POLE2: variants seen among roughly 807,000 people sequenced by gnomAD.
POLE2 encodes DNA polymerase epsilon subunit 2.
Under a neutral mutation model 79.4 loss-of-function variants are expected in POLE2, and 56 were observed. That is an observed-to-expected ratio of 0.71 (90% CI 0.57 to 0.88). The LOEUF is 0.88. Among genes scored for constraint, POLE2 ranks in the 40% least tolerant of loss-of-function variants. The pLI is 0.00. For synonymous variants in POLE2, 212 were observed against 214.0 expected (o/e 0.99, Z 0.08); for missense variants, 598 against 638.9 (o/e 0.94, Z 0.69).
intron 18 of POLE2, among the ~76,000 whole-genome samples, chr14:49,646,302 G>GTTTTTTTTTTTTTTTTTTTTTTTT (rs1162033821): frequency 8.3e-5 from 7 of 84,578 alleles, no homozygotes; most frequent in Non-Finnish European, 1.2e-4. Flanking sequence ...TTTTTTGTTG[G>GTTTTTTTTTTTTTTTTTTTTTTTT]TTTTTTTTTT....
chr14:49,645,404 C>CT (rs1374908222), intron 18 of POLE2, among the ~76,000 whole-genome samples: 1 of 152,228 alleles, frequency 6.6e-6, no homozygotes, highest in Non-Finnish European at 1.5e-5. Context: ...TTAGGAGAAA[C>CT]TAAGTGGCAA....
At chr14:49,652,646 T>A (rs45629032) in intron 15 of POLE2, among the ~76,000 whole-genome samples, 2,508 of 152,238 alleles carry the variant, frequency 0.016, 71 homozygotes, top group African/African-American at 0.057. Flanking sequence ...GCACACTCGT[T>A]ATAAGAATCT....
chr14:49,665,266 G>A (rs1004343191), intron 7 of POLE2, 103 bp from the exon 8 acceptor site: 11 of 636,996 alleles, frequency 1.7e-5, no homozygotes, highest in Non-Finnish European at 2.3e-5. Flanking sequence ...TAGGGAGAAA[G>A]TGGATTTTAA....
At chr14:49,679,895 T>A in intron 2 of POLE2, 95 bp from the exon 3 acceptor site, 1 of 688,364 alleles carries the variant, frequency 1.5e-6, no homozygotes, top group Non-Finnish European at 2.6e-6. Flanking sequence ...TTGCAAATAT[T>A]AATACTGAGA....
intron 1 of POLE2, among the ~76,000 whole-genome samples, chr14:49,686,368 A>T (rs1181622023): frequency 2.0e-5 from 3 of 152,234 alleles, no homozygotes; most frequent in African/African-American, 7.2e-5. Context: ...TTGGGGGCAC[A>T]CATGGCAAGG....
intron 10 of POLE2, among the ~76,000 whole-genome samples, chr14:49,656,656 C>T (rs897396622): frequency 9.2e-5 from 14 of 152,166 alleles, no homozygotes; most frequent in African/African-American, 3.4e-4. Flanking sequence ...AATCTACACA[C>T]TCCCAGCCTC....
chr14:49,648,009 G>A (rs1395064962), intron 17 of POLE2, among the ~76,000 whole-genome samples: 2 of 152,180 alleles, frequency 1.3e-5, no homozygotes, highest in African/African-American at 2.4e-5. Context: ...ACTGTGTAAC[G>A]CCAAATATGC....
chr14:49,658,167 C>G (rs532888763), intron 10 of POLE2, among the ~76,000 whole-genome samples: 1 of 152,090 alleles, frequency 6.6e-6, no homozygotes, highest in South Asian at 2.1e-4. Flanking sequence ...AGCTCTGCCT[C>G]CCGGGTTCAT....
At chr14:49,644,778 G>T (rs538220169) in intron 18 of POLE2, among the ~76,000 whole-genome samples, 1 of 152,168 alleles carries the variant, frequency 6.6e-6, no homozygotes, top group Non-Finnish European at 1.5e-5. Context: ...AGTGGCTCAT[G>T]CCTGTAATCC....
At chr14:49,663,245 G>A (rs753826214) in intron 10 of POLE2, 70 bp downstream of exon 10, 37 of 673,464 alleles carry the variant, frequency 5.5e-5, no homozygotes, top group Admixed American at 8.3e-5. Flanking sequence ...GAGATATGAC[G>A]TACTATCTTA....
intron 1 of POLE2, among the ~76,000 whole-genome samples, chr14:49,686,451 T>C (rs1887143738): frequency 6.6e-6 from 1 of 152,154 alleles, no homozygotes; most frequent in Admixed American, 6.6e-5. Context: ...CTGAATGAGC[T>C]TGAAGCGAAT....
chr14:49,678,934 G>C (rs565339486), intron 3 of POLE2, among the ~76,000 whole-genome samples: 6 of 152,302 alleles, frequency 3.9e-5, no homozygotes, highest in African/African-American at 1.4e-4. Context: ...TGGGATTACA[G>C]GCATAAGCCA....
rs1341974363 is a variant in POLE2 at position 49,663,313 on chromosome 14, A to T, written c.755+2T>A. ...TAGAGTATAAACCAAACATTTTAAT[A>T]CCTAGTAGTACTAGAGGGCTCAGTG... is the stretch of plus-strand genomic sequence containing the variant. On this transcript the variant is annotated splice_donor_variant, in intron 10 of 18. Transcript: ENST00000216367. LOFTEE classifies it high-confidence loss of function. The T allele has an allele frequency of 6.5e-7, 1 of 1,546,288 alleles. No homozygotes were observed. The highest frequency in any genetic ancestry group is 8.9e-7 in the Non-Finnish European group (1 of 1,126,536).
At chr14:49,656,988 CTA>C (rs2139630031) in intron 10 of POLE2, among the ~76,000 whole-genome samples, 1 of 151,918 alleles carries the variant, frequency 6.6e-6, no homozygotes, top group East Asian at 1.9e-4. Context: ...CAGCAGGCAC[CTA>C]TAATTCCAGC....
intron 1 of POLE2, among the ~76,000 whole-genome samples, chr14:49,687,651 G>A (rs987923480): frequency 7.9e-5 from 12 of 151,822 alleles, no homozygotes; most frequent in Admixed American, 2.0e-4. Context: ...TAAACTCCTC[G>A]CATGGGTCGG....
intron 18 of POLE2, 46 bp from the exon 19 acceptor site, chr14:49,643,716 T>C: frequency 1.0e-6 from 1 of 961,168 alleles, no homozygotes; most frequent in Non-Finnish European, 1.6e-6. Flanking sequence ...CTAAGTTGTA[T>C]ACTTACTAAT....
chr14:49,647,430 A>T, intron 17 of POLE2, 70 bp from the exon 18 acceptor site: 1 of 546,412 alleles, frequency 1.8e-6, no homozygotes, highest in Non-Finnish European at 3.1e-6. Flanking sequence ...TTTAAACACA[A>T]TATGTATATT....
chr14:49,655,115 T>C, intron 11 of POLE2, 21 bp from the exon 12 acceptor site: 2 of 1,210,826 alleles, frequency 1.7e-6, no homozygotes, highest in Non-Finnish European at 2.3e-6. Context: ...AAAGAGTAAA[T>C]GAACAATACT....
At chr14:49,649,394 C>A (rs1884032734) in intron 17 of POLE2, among the ~76,000 whole-genome samples, 1 of 151,256 alleles carries the variant, frequency 6.6e-6, no homozygotes, top group African/African-American at 2.4e-5. Context: ...GATCTGCCCG[C>A]CTTGGCCTCC....
Sources: gnomAD v4.1 joint callset for allele counts (sites outside exome capture counted in the v4.1 genomes callset) on GRCh38, gnomAD v4.1.1 for gene constraint, MANE v1.5 for transcripts, NCBI Gene and HGNC (gene_info 2026-07-23, HGNC 2026-07-21) for gene names.